Variants in LYL1 observed in about 807,000 individuals in gnomAD.
LYL1 encodes protein lyl-1.
In LYL1, 4 loss-of-function variants were observed where a neutral mutation model predicts 11.1. That is an observed-to-expected ratio of 0.36 (90% CI 0.18 to 0.82). LYL1 has a LOEUF of 0.82. Among genes scored for constraint, LYL1 ranks in the 40% least tolerant of loss-of-function variants. The probability of loss-of-function intolerance (pLI) is 0.49; values close to 1 mark genes in which losing one functional copy is unlikely to be tolerated. For missense variants in LYL1, 356 were observed against 397.6 expected (o/e 0.90, Z 0.89); for synonymous variants, 179 against 174.8 (o/e 1.02, Z -0.19).
Position 13,099,620 on chromosome 19 carries a change from G to T in LYL1, c.542C>A (p.Pro181Gln). 1 of 1,556,034 alleles carries T rather than the reference G, an allele frequency of 6.4e-7. No individual in the cohort carries two copies. The highest frequency in any genetic ancestry group is 8.7e-7 in the Non-Finnish European group (1 of 1,150,606). The change falls in exon 4 of 4, where the codon CCG (proline) becomes CAG (glutamine). Residue 181 changes from proline (P) to glutamine (Q), a missense_variant. Transcript: ENST00000264824. The surrounding 1 kb of genome is among the most constrained non-coding windows in gnomAD (Gnocchi z 5.3). ...GTTCTTGCTCAGCTTCCGGTCGGGC[G>T]GGTGCGTCGGCAGCAGCTTCCTCAG... ...AELRKLLPTH[P>Q]PDRKLSKNEV...
At position 13,099,598 on chromosome 19, in the gene LYL1, C is replaced by T. The variant is rs1210076580; in HGVS notation, c.564G>A (p.Lys188=). The change falls in exon 4 of 4, where the codon AAG becomes AAA. Residue 188 remains lysine (K), a synonymous_variant. Coordinates refer to ENST00000264824, the MANE Select transcript of LYL1 (RefSeq NM_005583.5). This position sits in a 1 kb window ranked among gnomAD's most constrained non-coding sequence, Gnocchi z 5.3. ...TCATGGCTAGGCGGAGCACCTCGTT[C>T]TTGCTCAGCTTCCGGTCGGGCGGGT... ...PTHPPDRKLS[K]NEVLRLAMKY... The T allele has an allele frequency of 1.9e-6, 3 of 1,556,674 alleles. No individual in the cohort carries two copies. Among genetic ancestry groups the T allele is most frequent in the African/African-American group, 2.7e-5 (2 of 73,434 alleles).
At position 13,099,732 on chromosome 19, in the gene LYL1, G is replaced by A. The variant is rs933830564; in HGVS notation, c.430C>T (p.His144Tyr). The change falls in exon 4 of 4, where the codon CAC (histidine) becomes TAC (tyrosine). Residue 144 changes from histidine (H) to tyrosine (Y), a missense_variant and splice_region_variant. His to Tyr is a moderately conservative substitution (Grantham distance 83, BLOSUM62 2). Transcript: ENST00000264824. This position sits in a 1 kb window ranked among gnomAD's most constrained non-coding sequence, Gnocchi z 5.3. ...SHCELDLAEG[H>Y]QPQKVARRVF... ...CGCCGGGCCACCTTCTGGGGCTGGTGCCCTGTGGACAAGGAGGGCCGGGTT... is the reference window on the plus strand; with the variant it reads ...CGCCGGGCCACCTTCTGGGGCTGGTACCCTGTGGACAAGGAGGGCCGGGTT... The A allele has an allele frequency of 1.5e-5, 23 of 1,488,394 alleles. No homozygotes were observed. The highest frequency in any genetic ancestry group is 1.9e-4 in the Middle Eastern group (1 of 5,362). 92.2% of individuals were successfully genotyped at this position (1,488,394 alleles called of 1,614,324 possible). A position where few individuals can be genotyped will look rare whatever the true frequency, so the allele number is the denominator to read the frequency against.
In LYL1 at chr19:13,101,907, A is replaced by G. The variant is rs1226352319; in HGVS notation, c.-25+624T>C. ...CTGACCCCACTGCCCAGTCCAGTCC[A>G]GTCATGCCCCAACCCTCCCTCTGGC... is the stretch of plus-strand genomic sequence containing the variant. On this transcript the variant is annotated intron_variant, in intron 1 of 3. Transcript: ENST00000264824. This position sits in a 1 kb window ranked among gnomAD's most constrained non-coding sequence, Gnocchi z 5.1. The G allele has an allele frequency of 1.7e-5, 4 of 232,068 alleles. No individual in the cohort carries two copies. Among genetic ancestry groups the G allele is most frequent in the African/African-American group, 8.9e-5 (4 of 45,052 alleles). 14.4% of individuals were successfully genotyped at this position (232,068 alleles called of 1,614,324 possible).
In LYL1 at chr19:13,100,762, TG is replaced by T; in HGVS notation, c.336-15del. The stretch of plus-strand genomic sequence containing the variant: ...CCAATGTAGACACTGTAAGGGGTCG[TG>T]GGTCACTAATGCCTTGTGGGCAAGG... On this transcript the variant is annotated splice_polypyrimidine_tract_variant and intron_variant, in intron 2 of 3. Transcript: ENST00000264824. 6.2e-7 allele frequency: 1 copy of T among 1,613,838 alleles called. No homozygotes were observed. Among genetic ancestry groups the T allele is most frequent in the South Asian group, 1.1e-5 (1 of 91,084 alleles).
Position 13,099,814 on chromosome 19 carries a change from T to A in LYL1, c.428-80A>T. ...CCCTCCCGCTAGACACGCAGCACCC[T>A]CGTGGGAACTTAAACCCAGGCCATG... On this transcript the variant is annotated intron_variant, in intron 3 of 3. Coordinates refer to ENST00000264824, the MANE Select transcript of LYL1 (RefSeq NM_005583.5). This position sits in a 1 kb window ranked among gnomAD's most constrained non-coding sequence, Gnocchi z 5.3. 7.9e-7 allele frequency: 1 copy of A among 1,273,364 alleles called. No individual in the cohort carries two copies. Among genetic ancestry groups the A allele is most frequent in the Non-Finnish European group, 1.0e-6 (1 of 973,912 alleles). 78.9% of individuals were successfully genotyped at this position (1,273,364 alleles called of 1,614,324 possible).
Position 13,099,900 on chromosome 19 carries a change from C to T in LYL1, c.428-166G>A, listed in dbSNP as rs1210007724. On this transcript the variant is annotated intron_variant, in intron 3 of 3. Transcript: ENST00000264824. The surrounding 1 kb of genome is among the most constrained non-coding windows in gnomAD (Gnocchi z 5.3). ...AGCTCTCCCCACCCCTCCCAAGAGC[C>T]ATCCAGACAAGAATCATCACAGGCC... Among the ~76,000 whole-genome samples, 2 of 152,268 alleles carry T rather than the reference C, an allele frequency of 1.3e-5. No homozygotes were observed. The highest frequency in any genetic ancestry group is 2.9e-5 in the Non-Finnish European group (2 of 68,040).
At position 13,101,080 on chromosome 19, in the gene LYL1, G is replaced by T. The variant is rs2018681186; in HGVS notation, c.92C>A (p.Pro31His). Residue 31 changes from proline (P) to histidine (H), a missense_variant, in exon 2 of 4, where the codon CCC becomes CAC. Coordinates refer to ENST00000264824, the MANE Select transcript of LYL1 (RefSeq NM_005583.5). This position sits in a 1 kb window ranked among gnomAD's most constrained non-coding sequence, Gnocchi z 5.1. ...VCAPSPAPAP[P>H]PKPASPGPPQ... Reference sequence around the variant, plus strand: ...GGGCCCAGGCGAGGCAGGCTTAGGGGGTGGGGCAGGCGCTGGGCTGGGGGC... The same window carrying T: ...GGGCCCAGGCGAGGCAGGCTTAGGGTGTGGGGCAGGCGCTGGGCTGGGGGC... The T allele has an allele frequency of 2.0e-6, 3 of 1,486,952 alleles. No homozygotes were observed. The South Asian group carries it at 4.2e-5, about 21-fold the overall frequency. 92.1% of individuals were successfully genotyped at this position (1,486,952 alleles called of 1,614,324 possible). A position where few individuals can be genotyped will look rare whatever the true frequency, so the allele number is the denominator to read the frequency against.
Position 13,099,466 on chromosome 19 carries a change from G to T in LYL1, c.696C>A (p.Asp232Glu). ...GTCCGGATCCCCGGCGGGCGCCGTC[G>T]TCTGGGACCCGGTGCACCGGCCGTT... ...PRKRPVHRVP[D>E]DGARRGSGRR... The change falls in exon 4 of 4, where the codon GAC (aspartate) becomes GAA (glutamate). Residue 232 changes from aspartate (D) to glutamate (E), a missense_variant. Transcript: ENST00000264824. This position sits in a 1 kb window ranked among gnomAD's most constrained non-coding sequence, Gnocchi z 5.3. The T allele has an allele frequency of 2.4e-6, 3 of 1,267,688 alleles. No homozygotes were observed. Among genetic ancestry groups the T allele is most frequent in the Non-Finnish European group, 3.0e-6 (3 of 999,376 alleles). 78.5% of individuals were successfully genotyped at this position (1,267,688 alleles called of 1,614,324 possible).
At position 13,101,072 on chromosome 19, in the gene LYL1, G is replaced by C. The variant is rs781736635; in HGVS notation, c.100C>G (p.Pro34Ala). 3.4e-5 allele frequency: 50 copies of C among 1,490,958 alleles called. No individual in the cohort carries two copies. The highest frequency in any genetic ancestry group is 4.5e-5 in the Non-Finnish European group (50 of 1,121,600). The allele number at this position is 1,490,958 out of a possible 1,614,324, so 92.4% of individuals were successfully genotyped here. ...PSPAPAPPPK[P>A]ASPGPPQVEE... ...ACCTGCGGGGGCCCAGGCGAGGCAGGCTTAGGGGGTGGGGCAGGCGCTGGG... is the reference window on the plus strand; with the variant it reads ...ACCTGCGGGGGCCCAGGCGAGGCAGCCTTAGGGGGTGGGGCAGGCGCTGGG... Residue 34 changes from proline to alanine, a missense_variant, in exon 2 of 4, where the codon CCT (proline) becomes GCT (alanine). Coordinates refer to ENST00000264824, the MANE Select transcript of LYL1 (RefSeq NM_005583.5). The surrounding 1 kb of genome is among the most constrained non-coding windows in gnomAD (Gnocchi z 5.1).
In LYL1 at chr19:13,101,858, A is replaced by C; in HGVS notation, c.-24-663T>G. The stretch of plus-strand genomic sequence containing the variant: ...CCCACTACTGACACTATGACCTCAA[A>C]TGCTGACCCTAGACCCCCAAACACT... On this transcript the variant is annotated intron_variant, in intron 1 of 3. Transcript: ENST00000264824. The surrounding 1 kb of genome is among the most constrained non-coding windows in gnomAD (Gnocchi z 5.1). 4.3e-6 allele frequency: 1 copy of C among 231,784 alleles called. No individual in the cohort carries two copies. The highest frequency in any genetic ancestry group is 8.5e-6 in the Non-Finnish European group (1 of 117,366). The allele number at this position is 231,784 out of a possible 1,614,324, so 14.4% of individuals were successfully genotyped here. A position where few individuals can be genotyped will look rare whatever the true frequency, so the allele number is the denominator to read the frequency against.
In LYL1 at chr19:13,101,290, G is replaced by A. The variant is rs1448465115; in HGVS notation, c.-24-95C>T. 4 of 465,872 alleles carry A rather than the reference G, an allele frequency of 8.6e-6. No individual in the cohort carries two copies. Among genetic ancestry groups the A allele is most frequent in the Non-Finnish European group, 1.5e-5 (4 of 274,384 alleles). 28.9% of individuals were successfully genotyped at this position (465,872 alleles called of 1,614,324 possible). A position where few individuals can be genotyped will look rare whatever the true frequency, so the allele number is the denominator to read the frequency against. ...ACCCCTCAAATGGGAAGGAGGGAGG[G>A]GGAGGGGGAAAGGAGGAGGAGAGAA... On this transcript the variant is annotated intron_variant, in intron 1 of 3. Coordinates refer to ENST00000264824, the MANE Select transcript of LYL1 (RefSeq NM_005583.5). This position sits in a 1 kb window ranked among gnomAD's most constrained non-coding sequence, Gnocchi z 5.1.
Position 13,099,219 on chromosome 19 carries a change from G to A in LYL1, c.*100C>T. ...TCTTCACTGGTCCTTCTTCGGGGGA[G>A]TTCGCTCCCGAACATGCGCAGCACG... On this transcript the variant is annotated 3_prime_UTR_variant, in exon 4 of 4. Coordinates refer to ENST00000264824, the MANE Select transcript of LYL1 (RefSeq NM_005583.5). This position sits in a 1 kb window ranked among gnomAD's most constrained non-coding sequence, Gnocchi z 5.3. The A allele has an allele frequency of 1.8e-6, 2 of 1,116,860 alleles. No individual in the cohort carries two copies. Among genetic ancestry groups the A allele is most frequent in the Non-Finnish European group, 2.3e-6 (2 of 885,354 alleles). 69.2% of individuals were successfully genotyped at this position (1,116,860 alleles called of 1,614,324 possible).
Position 13,101,265 on chromosome 19 carries a change from A to T in LYL1, c.-24-70T>A. The stretch of plus-strand genomic sequence containing the variant: ...CGCTCCCACCTGCTTAGCTCAAGAA[A>T]CCCCTCAAATGGGAAGGAGGGAGGG... On this transcript the variant is annotated intron_variant, in intron 1 of 3. Coordinates refer to ENST00000264824, the MANE Select transcript of LYL1 (RefSeq NM_005583.5). This position sits in a 1 kb window ranked among gnomAD's most constrained non-coding sequence, Gnocchi z 5.1. 2.8e-6 allele frequency: 1 copy of T among 362,560 alleles called. No homozygotes were observed. The allele number at this position is 362,560 out of a possible 1,614,324, so 22.5% of individuals were successfully genotyped here.
chr19:13,099,458 G>C lies in LYL1; in HGVS notation c.704C>G (p.Ala235Gly), dbSNP rs1157655592. ...RPVHRVPDDG[A>G]RRGSGRRAEA... ...GGCCCTGCGTCCGGATCCCCGGCGG[G>C]CGCCGTCGTCTGGGACCCGGTGCAC... Residue 235 changes from alanine to glycine, a missense_variant, in exon 4 of 4, where the codon GCC becomes GGC. Ala to Gly is a moderately conservative substitution (Grantham distance 60). Transcript: ENST00000264824. This position sits in a 1 kb window ranked among gnomAD's most constrained non-coding sequence, Gnocchi z 5.3. The C allele has an allele frequency of 1.6e-6, 2 of 1,259,564 alleles. No individual in the cohort carries two copies. Among genetic ancestry groups the C allele is most frequent in the East Asian group, 3.1e-5 (1 of 31,750 alleles). 78.0% of individuals were successfully genotyped at this position (1,259,564 alleles called of 1,614,324 possible). A position where few individuals can be genotyped will look rare whatever the true frequency, so the allele number is the denominator to read the frequency against.
rs1398120999 is a variant in LYL1, at chr19:13,100,646, C to T, written c.427+11G>A. ...CATACAAACCCACAAGGCACACAAA[C>T]CCACACTCACCCTCAGCCAGGTCCA... On this transcript the variant is annotated intron_variant, in intron 3 of 3. Transcript: ENST00000264824. 6.2e-7 allele frequency: 1 copy of T among 1,614,016 alleles called. No individual in the cohort carries two copies. Among genetic ancestry groups the T allele is most frequent in the South Asian group, 1.1e-5 (1 of 91,082 alleles).
chr19:13,099,620 G>C lies in LYL1; in HGVS notation c.542C>G (p.Pro181Arg), dbSNP rs1420237200. ...AELRKLLPTH[P>R]PDRKLSKNEV... ...GTTCTTGCTCAGCTTCCGGTCGGGC[G>C]GGTGCGTCGGCAGCAGCTTCCTCAG... The change falls in exon 4 of 4, where the codon CCG (proline) becomes CGG (arginine). Residue 181 changes from proline (P) to arginine (R), a missense_variant. Coordinates refer to ENST00000264824, the MANE Select transcript of LYL1 (RefSeq NM_005583.5). The surrounding 1 kb of genome is among the most constrained non-coding windows in gnomAD (Gnocchi z 5.3). 1.3e-6 allele frequency: 2 copies of C among 1,556,036 alleles called. No homozygotes were observed. The highest frequency in any genetic ancestry group is 2.4e-5 in the South Asian group (2 of 84,076).
rs2018646609 is a variant in LYL1, at chr19:13,099,605, A to G, written c.557T>C (p.Leu186Pro). 6.4e-7 allele frequency: 1 copy of G among 1,557,070 alleles called. No individual in the cohort carries two copies. Among genetic ancestry groups the G allele is most frequent in the Non-Finnish European group, 8.7e-7 (1 of 1,151,212 alleles). ...LLPTHPPDRK[L>P]SKNEVLRLAM... Reference sequence around the variant, plus strand: ...TAGGCGGAGCACCTCGTTCTTGCTCAGCTTCCGGTCGGGCGGGTGCGTCGG... The same window carrying G: ...TAGGCGGAGCACCTCGTTCTTGCTCGGCTTCCGGTCGGGCGGGTGCGTCGG... The change falls in exon 4 of 4, where the codon CTG (leucine) becomes CCG (proline). Residue 186 changes from leucine (L) to proline (P), a missense_variant. Leu to Pro is a moderately conservative substitution (Grantham distance 98). Transcript: ENST00000264824. This position sits in a 1 kb window ranked among gnomAD's most constrained non-coding sequence, Gnocchi z 5.3.
Position 13,101,017 on chromosome 19 carries a change from G to A in LYL1, c.155C>T (p.Ser52Leu), listed in dbSNP as rs778631540. 1.3e-5 allele frequency: 19 copies of A among 1,478,008 alleles called. No homozygotes were observed. Among genetic ancestry groups the A allele is most frequent in the Admixed American group, 5.2e-5 (2 of 38,468 alleles). 91.6% of individuals were successfully genotyped at this position (1,478,008 alleles called of 1,614,324 possible). A position where few individuals can be genotyped will look rare whatever the true frequency, so the allele number is the denominator to read the frequency against. Residue 52 changes from serine (S) to leucine (L), a missense_variant, in exon 2 of 4, where the codon TCG becomes TTG. Coordinates refer to ENST00000264824, the MANE Select transcript of LYL1 (RefSeq NM_005583.5). The surrounding 1 kb of genome is among the most constrained non-coding windows in gnomAD (Gnocchi z 5.1). The stretch of plus-strand genomic sequence containing the variant: ...TACACCAGGTGGCAGCCTGGGGGGC[G>A]AGGAGCCTCCTCGGTGGCCCACCTC... Reference protein sequence around the residue: ...VEEVGHRGGSSPPRLPPGVPV... With the variant: ...VEEVGHRGGSLPPRLPPGVPV...
In LYL1 at chr19:13,099,883, C is replaced by A. The variant is rs1364090675; in HGVS notation, c.428-149G>T. The A allele has an allele frequency of 1.7e-5, 11 of 628,910 alleles. No homozygotes were observed. In the Admixed American group the frequency reaches 3.9e-4, roughly 22 times the overall value. The allele number at this position is 628,910 out of a possible 1,614,324, so 39.0% of individuals were successfully genotyped here. On this transcript the variant is annotated intron_variant, in intron 3 of 3. Coordinates refer to ENST00000264824, the MANE Select transcript of LYL1 (RefSeq NM_005583.5). The surrounding 1 kb of genome is among the most constrained non-coding windows in gnomAD (Gnocchi z 5.3). ...CCAAGGGGTCCACGGGCAGCTCTCC[C>A]CACCCCTCCCAAGAGCCATCCAGAC...
Sources: gnomAD v4.1 joint callset for allele counts (sites outside exome capture counted in the v4.1 genomes callset) on GRCh38, gnomAD v4.1.1 for gene constraint, Gnocchi (gnomAD v3.1) non-coding constraint, MANE v1.5 for transcripts, NCBI Gene and HGNC (gene_info 2026-07-23, HGNC 2026-07-21) for gene names.